Variants in ADGRB3 observed in about 807,000 individuals in gnomAD.
ADGRB3 encodes the protein brain-specific angiogenesis inhibitor 3.
ADGRB3 carries 37 observed loss-of-function variants against 193.4 expected under a neutral mutation model. That is an observed-to-expected ratio of 0.19 (90% CI 0.15 to 0.25). The LOEUF is 0.25. Ranked by LOEUF, ADGRB3 falls within the 10% of genes least tolerant of loss-of-function variation. The pLI is 1.00. For missense variants in ADGRB3, 1,637 were observed against 1,852.9 expected (o/e 0.88, Z 2.14); for synonymous variants, 690 against 644.2 (o/e 1.07, Z -1.08).
At chr6:69,102,940 A>G (rs1279251578) in intron 17 of ADGRB3, among the ~76,000 whole-genome samples, 1 of 152,212 alleles carries the variant, frequency 6.6e-6, no homozygotes, top group Non-Finnish European at 1.5e-5. Flanking sequence ...CATAGAATCA[A>G]AAGTGTAATT....
At chr6:69,258,969 G>A (rs1404355262) in intron 20 of ADGRB3, among the ~76,000 whole-genome samples, 1 of 152,174 alleles carries the variant, frequency 6.6e-6, no homozygotes. Context: ...AAGTTCACCT[G>A]TCAGTACTTC....
intron 20 of ADGRB3, among the ~76,000 whole-genome samples, chr6:69,287,149 C>G (rs1767569710): frequency 6.6e-6 from 1 of 152,184 alleles, no homozygotes; most frequent in Non-Finnish European, 1.5e-5. Flanking sequence ...TGAGTCTGTG[C>G]ATGCATGTGG....
chr6:69,085,443 C>G (rs1017090289), intron 17 of ADGRB3, among the ~76,000 whole-genome samples: 1 of 151,672 alleles, frequency 6.6e-6, no homozygotes, highest in African/African-American at 2.4e-5. Flanking sequence ...AGGATAGGCC[C>G]CTGGGTAACC....
At chr6:69,312,527 C>T (rs542137360) in intron 20 of ADGRB3, among the ~76,000 whole-genome samples, 1 of 151,630 alleles carries the variant, frequency 6.6e-6, no homozygotes, top group South Asian at 2.1e-4. Flanking sequence ...ACCTAGAATT[C>T]CGTAACAGGT....
chr6:68,998,570 T>A (rs1241251649), intron 11 of ADGRB3, among the ~76,000 whole-genome samples: 4 of 152,234 alleles, frequency 2.6e-5, no homozygotes, highest in Admixed American at 2.6e-4. Flanking sequence ...CTGTTTCCCT[T>A]CATTCATTAC....
chr6:69,052,038 C>A (rs1046457577), intron 15 of ADGRB3, among the ~76,000 whole-genome samples: 1 of 152,090 alleles, frequency 6.6e-6, no homozygotes, highest in Admixed American at 6.5e-5. Context: ...CTTCAGGCGC[C>A]CACCACCACG....
chr6:68,921,209 A>G (rs1307304567), intron 3 of ADGRB3, among the ~76,000 whole-genome samples: 1 of 152,126 alleles, frequency 6.6e-6, no homozygotes, highest in Non-Finnish European at 1.5e-5. Flanking sequence ...ATTCCCTATT[A>G]AAAGGAAGAG....
chr6:69,039,059 C>T (rs1429431679), intron 13 of ADGRB3, among the ~76,000 whole-genome samples: 3 of 152,024 alleles, frequency 2.0e-5, no homozygotes, highest in Non-Finnish European at 2.9e-5. Flanking sequence ...TATTCTATGC[C>T]CCCATTAGTC....
chr6:69,111,974 A>G (rs1176040965), intron 17 of ADGRB3, among the ~76,000 whole-genome samples: 7 of 152,258 alleles, frequency 4.6e-5, no homozygotes. Flanking sequence ...TTGCATGGGC[A>G]GGAACTGTTT....
At chr6:69,070,546 C>T (rs1234274034) in intron 16 of ADGRB3, among the ~76,000 whole-genome samples, 1 of 151,972 alleles carries the variant, frequency 6.6e-6, no homozygotes, top group Non-Finnish European at 1.5e-5. Context: ...TTCAAAATTA[C>T]TGAGTAGGTT....
chr6:69,312,273 A>G (rs555660780), intron 20 of ADGRB3, among the ~76,000 whole-genome samples: 39 of 151,912 alleles, frequency 2.6e-4, no homozygotes, highest in African/African-American at 9.4e-4. Flanking sequence ...TACAAGGATG[A>G]TGTCCAAGTT....
intron 17 of ADGRB3, among the ~76,000 whole-genome samples, chr6:69,117,217 A>G (rs1206557268): frequency 6.6e-6 from 1 of 152,226 alleles, no homozygotes; most frequent in Non-Finnish European, 1.5e-5. Flanking sequence ...AATGCTTTCT[A>G]TAGTGCTTTA....
At chr6:69,286,941 G>A (rs1331437151) in intron 20 of ADGRB3, among the ~76,000 whole-genome samples, 1 of 152,146 alleles carries the variant, frequency 6.6e-6, no homozygotes, top group African/African-American at 2.4e-5. Context: ...CTAACACATT[G>A]CTGATTTTCT....
intron 17 of ADGRB3, among the ~76,000 whole-genome samples, chr6:69,117,159 A>G (rs1773557755): frequency 1.3e-5 from 2 of 152,246 alleles, no homozygotes; most frequent in South Asian, 4.1e-4. Flanking sequence ...TTTAGAATAG[A>G]TGTTAATGTG....
chr6:68,890,252 T>TA (rs1240483247), intron 3 of ADGRB3, among the ~76,000 whole-genome samples: 1 of 152,220 alleles, frequency 6.6e-6, no homozygotes, highest in Non-Finnish European at 1.5e-5. Context: ...GAGGTTAACT[T>TA]ACAGGTAAGT....
In ADGRB3 at chr6:69,355,939, C is replaced by T. The variant is rs1769328921; in HGVS notation, c.3595+79C>T. 6 of 1,236,382 alleles carry T rather than the reference C, an allele frequency of 4.9e-6. No homozygotes were observed. The East Asian group carries it at 1.4e-4, about 29-fold the overall frequency. The allele number at this position is 1,236,382 out of a possible 1,614,324, so 76.6% of individuals were successfully genotyped here. ...ATAGATTTTAATTTTAAAGAAAATG[C>T]TGTGGTTTACACATTACATATTGTT... On this transcript the variant is annotated intron_variant, in intron 28 of 31. Transcript: ENST00000370598.
At chr6:69,060,954 T>G (rs1013305421) in intron 15 of ADGRB3, among the ~76,000 whole-genome samples, 3 of 152,000 alleles carry the variant, frequency 2.0e-5, no homozygotes, top group African/African-American at 7.2e-5. Flanking sequence ...CCCTGATCAC[T>G]TTTACTCACA....
At chr6:68,951,303 T>G (rs1324842664) in intron 6 of ADGRB3, among the ~76,000 whole-genome samples, 3 of 152,098 alleles carry the variant, frequency 2.0e-5, no homozygotes, top group African/African-American at 7.2e-5. Flanking sequence ...GAGGTGGAAA[T>G]TAAGAGTTGG....
intron 3 of ADGRB3, among the ~76,000 whole-genome samples, chr6:68,909,163 T>C (rs2150236410): frequency 6.6e-6 from 1 of 152,332 alleles, no homozygotes; most frequent in South Asian, 2.1e-4. Flanking sequence ...TTGTTATATG[T>C]GCTTCCTCAC....
Sources: allele counts gnomAD v4.1 joint callset (sites outside exome capture counted in the v4.1 genomes callset), GRCh38; gene constraint gnomAD v4.1.1; transcripts MANE v1.5; gene names NCBI Gene and HGNC (gene_info 2026-07-23, HGNC 2026-07-21).